The following CCDC33 variants were observed in gnomAD, a reference collection of about 807,000 sequenced individuals.
The protein encoded by CCDC33 is coiled-coil domain-containing protein 33.
Under a neutral mutation model 91.9 loss-of-function variants are expected in CCDC33, and 94 were observed. The observed-to-expected ratio is 1.02, with a 90% CI of 0.87 to 1.21. The LOEUF is 1.21. CCDC33 is among the 50% of genes most tolerant of loss of function. The probability of loss-of-function intolerance (pLI) is 0.00; values close to 1 mark genes in which losing one functional copy is unlikely to be tolerated. For missense variants in CCDC33, 940 were observed against 935.5 expected (o/e 1.00, Z -0.06); for synonymous variants, 396 against 374.5 (o/e 1.06, Z -0.66).
At chr15:74,248,901 C>A (rs2075618518) in intron 2 of CCDC33, among the ~76,000 whole-genome samples, 2 of 152,134 alleles carry the variant, frequency 1.3e-5, no homozygotes, top group African/African-American at 4.8e-5. Flanking sequence ...CTGCATCCAA[C>A]GGGCATCTCA....
At chr15:74,320,099 G>A (rs946614974) in intron 11 of CCDC33, among the ~76,000 whole-genome samples, 11 of 152,104 alleles carry the variant, frequency 7.2e-5, no homozygotes, top group Admixed American at 7.2e-4. Context: ...GATGACATTC[G>A]AGGGGAACCA....
chr15:74,305,943 T>TTTA (rs2059886176), intron 11 of CCDC33, among the ~76,000 whole-genome samples: 1 of 152,154 alleles, frequency 6.6e-6, no homozygotes, highest in Non-Finnish European at 1.5e-5. Flanking sequence ...CCCCGCCTCT[T>TTTA]GAGGCTTTTC....
chr15:74,209,635 T>C (rs913464692), intron 2 of CCDC33: 26 of 590,686 alleles, frequency 4.4e-5, no homozygotes, highest in Non-Finnish European at 6.3e-5. Context: ...GTCCTGCTCT[T>C]CACCCCAAGT....
At chr15:74,291,059 T>TA (rs1420363768) in intron 10 of CCDC33, among the ~76,000 whole-genome samples, 1 of 150,790 alleles carries the variant, frequency 6.6e-6, no homozygotes, top group Non-Finnish European at 1.5e-5. Flanking sequence ...ATTAACCCTC[T>TA]AACACCACTT....
intron 2 of CCDC33, among the ~76,000 whole-genome samples, chr15:74,223,434 C>T (rs393844): frequency 0.98 from 149,683 of 152,242 alleles, 73,636 homozygotes; most frequent in East Asian, 1. Context: ...TCACCAAACA[C>T]AGAGGACTGG....
chr15:74,242,810 G>A (rs562379681), intron 1 of CCDC33, among the ~76,000 whole-genome samples: 1 of 152,108 alleles, frequency 6.6e-6, no homozygotes, highest in Admixed American at 6.5e-5. Flanking sequence ...TATATGCCCA[G>A]CTCTGCCGTC....
At chr15:74,310,969 G>A (rs1189157692) in intron 11 of CCDC33, among the ~76,000 whole-genome samples, 1 of 152,200 alleles carries the variant, frequency 6.6e-6, no homozygotes, top group Non-Finnish European at 1.5e-5. Flanking sequence ...CCTGGAGCCT[G>A]GCAGCAGTGA....
chr15:74,323,766 T>G (rs1196233571), intron 11 of CCDC33, among the ~76,000 whole-genome samples: 1 of 151,522 alleles, frequency 6.6e-6, no homozygotes, highest in Non-Finnish European at 1.5e-5. Flanking sequence ...TGACCTGGAG[T>G]GACCTGCCTG....
upstream of CCDC33, among the ~76,000 whole-genome samples, chr15:74,235,622 A>G (rs1378063822): frequency 1.3e-5 from 2 of 151,966 alleles, no homozygotes; most frequent in Admixed American, 1.3e-4. Flanking sequence ...CAGGCCAAGG[A>G]CTAGTCTCTC....
At chr15:74,284,369 C>T (rs1566998700) in intron 10 of CCDC33, among the ~76,000 whole-genome samples, 3 of 152,130 alleles carry the variant, frequency 2.0e-5, no homozygotes, top group Non-Finnish European at 4.4e-5. Context: ...CTTTTGGCAT[C>T]CTTCTCCCTA....
intron 2 of CCDC33, among the ~76,000 whole-genome samples, chr15:74,259,450 G>A (rs1288779980): frequency 6.6e-6 from 1 of 152,012 alleles, no homozygotes; most frequent in Non-Finnish European, 1.5e-5. Flanking sequence ...ATAGCATCAA[G>A]ACCCGGAGGA....
intron 10 of CCDC33, among the ~76,000 whole-genome samples, chr15:74,283,504 C>G (rs1034781990): frequency 7.2e-5 from 11 of 152,176 alleles, no homozygotes; most frequent in African/African-American, 2.7e-4. Context: ...AATTATTCAC[C>G]GGAGCTGTGC....
At chr15:74,313,889 G>A (rs2060040696) in intron 11 of CCDC33, among the ~76,000 whole-genome samples, 2 of 152,146 alleles carry the variant, frequency 1.3e-5, no homozygotes, top group South Asian at 4.1e-4. Context: ...CTTGACAGCT[G>A]GGCCTTGGAC....
chr15:74,238,234 C>G (rs919033471), intron 1 of CCDC33, among the ~76,000 whole-genome samples: 7 of 151,956 alleles, frequency 4.6e-5, no homozygotes, highest in African/African-American at 1.5e-4. Flanking sequence ...ATGGTGAAAC[C>G]CCGTCTGTAC....
intron 11 of CCDC33, among the ~76,000 whole-genome samples, chr15:74,308,354 G>GACACACATACACACACAC (rs5813758): frequency 7.0e-6 from 1 of 141,942 alleles, no homozygotes; most frequent in African/African-American, 2.6e-5. Flanking sequence ...TGTGCAGACA[G>GACACACATACACACACAC]ACAGACACAC....
intron 10 of CCDC33, among the ~76,000 whole-genome samples, chr15:74,294,353 C>T (rs1339673042): frequency 6.6e-6 from 1 of 152,052 alleles, no homozygotes; most frequent in East Asian, 1.9e-4. Flanking sequence ...TTAGAGATAA[C>T]CATGAATTTC....
At chr15:74,242,861 C>T (rs982017979) in intron 1 of CCDC33, among the ~76,000 whole-genome samples, 1 of 152,174 alleles carries the variant, frequency 6.6e-6, no homozygotes, top group African/African-American at 2.4e-5. Flanking sequence ...AACTGAGCCA[C>T]CTCTGGGCCT....
chr15:74,335,324 G>T, intron 18 of CCDC33: 2 of 608,334 alleles, frequency 3.3e-6, no homozygotes, highest in East Asian at 2.7e-5. Context: ...TTCCCCCATG[G>T]GGTGCTGTGA....
intron 2 of CCDC33, among the ~76,000 whole-genome samples, 167 bp from the exon 3 acceptor site, chr15:74,262,273 G>A (rs1332459247): frequency 5.3e-5 from 8 of 152,156 alleles, no homozygotes; most frequent in Non-Finnish European, 1.2e-4. Context: ...GGGCTGGCAG[G>A]AGAGCTGGGG....
Sources: gnomAD v4.1 joint callset for allele counts (sites outside exome capture counted in the v4.1 genomes callset) on GRCh38, gnomAD v4.1.1 for gene constraint, MANE v1.5 for transcripts, NCBI Gene and HGNC (gene_info 2026-07-23, HGNC 2026-07-21) for gene names.